The following EIPR1 variants were observed in gnomAD, a reference collection of about 807,000 sequenced individuals.
EIPR1 encodes the protein EARP and GARP complex-interacting protein 1.
Under a neutral mutation model 48.1 loss-of-function variants are expected in EIPR1, and 25 were observed. That is an observed-to-expected ratio of 0.52 (90% CI 0.38 to 0.73). EIPR1 has a LOEUF of 0.73. Among genes scored for constraint, EIPR1 ranks in the 30% least tolerant of loss-of-function variants. The pLI, the probability that EIPR1 is intolerant of heterozygous loss-of-function variation, is 0.00. For missense variants in EIPR1, 415 were observed against 506.2 expected (o/e 0.82, Z 1.73); for synonymous variants, 204 against 201.9 (o/e 1.01, Z -0.09).
chr2:3,240,095 A>G (rs1373297690), intron 4 of EIPR1, among the ~76,000 whole-genome samples: 1 of 151,786 alleles, frequency 6.6e-6, no homozygotes, highest in Non-Finnish European at 1.5e-5. Flanking sequence ...CTCCTAAAGC[A>G]AAGCCAGCAG....
chr2:3,242,599 C>CA, intron 4 of EIPR1, among the ~76,000 whole-genome samples: 1 of 152,192 alleles, frequency 6.6e-6, no homozygotes, highest in Non-Finnish European at 1.5e-5. Flanking sequence ...GGCTGGAAGA[C>CA]AGAGATTTCA....
intron 2 of EIPR1, chr2:3,353,134 A>AACTT (rs1670628780): frequency 4.8e-6 from 2 of 419,778 alleles, no homozygotes; most frequent in Non-Finnish European, 9.8e-6. Flanking sequence ...TGTTGTGCCT[A>AACTT]ACTTATACCT....
At chr2:3,300,225 T>A (rs1263825948) in intron 3 of EIPR1, among the ~76,000 whole-genome samples, 1 of 152,214 alleles carries the variant, frequency 6.6e-6, no homozygotes, top group African/African-American at 2.4e-5. Flanking sequence ...GGAAAACTAG[T>A]TTTAAGATGT....
At chr2:3,224,960 G>A (rs974081006) in intron 4 of EIPR1, among the ~76,000 whole-genome samples, 4 of 152,220 alleles carry the variant, frequency 2.6e-5, no homozygotes, top group Admixed American at 6.5e-5. Flanking sequence ...TCAGGGTGCC[G>A]GGGCCAGCAC....
chr2:3,287,129 T>C (rs553971213), intron 3 of EIPR1, among the ~76,000 whole-genome samples: 1 of 152,262 alleles, frequency 6.6e-6, no homozygotes, highest in Non-Finnish European at 1.5e-5. Context: ...AGCACCAAGC[T>C]CGTTCACCAC....
At chr2:3,309,149 C>G (rs763603926) in intron 3 of EIPR1, among the ~76,000 whole-genome samples, 5 of 152,154 alleles carry the variant, frequency 3.3e-5, no homozygotes, top group Admixed American at 2.6e-4. Flanking sequence ...ATTACACCAC[C>G]ACATCTGATG....
At chr2:3,201,352 G>A (rs1310901242) in intron 5 of EIPR1, among the ~76,000 whole-genome samples, 1 of 152,222 alleles carries the variant, frequency 6.6e-6, no homozygotes, top group African/African-American at 2.4e-5. Flanking sequence ...GAGGGGGGAT[G>A]TTAACAAAAG....
intron 4 of EIPR1, among the ~76,000 whole-genome samples, chr2:3,223,497 G>A (rs1665963499): frequency 1.3e-5 from 2 of 152,194 alleles, no homozygotes; most frequent in Non-Finnish European, 2.9e-5. Context: ...CCCCCTCTGA[G>A]TATGTGAGGA....
At chr2:3,229,403 C>T (rs888909297) in intron 4 of EIPR1, among the ~76,000 whole-genome samples, 3 of 152,214 alleles carry the variant, frequency 2.0e-5, no homozygotes, top group Admixed American at 1.3e-4. Context: ...GGCAATAACA[C>T]CAAAACAGTG....
intron 4 of EIPR1, among the ~76,000 whole-genome samples, chr2:3,235,221 T>C (rs549043335): frequency 9.2e-5 from 14 of 152,334 alleles, no homozygotes; most frequent in African/African-American, 3.1e-4. Context: ...ATGAGCCAGA[T>C]GAGTGCTACA....
At chr2:3,226,352 T>G (rs1454365604) in intron 4 of EIPR1, among the ~76,000 whole-genome samples, 1 of 152,238 alleles carries the variant, frequency 6.6e-6, no homozygotes, top group East Asian at 1.9e-4. Context: ...GGTTTTGATT[T>G]CCATTTTTCT....
At position 3,233,449 on chromosome 2, in the gene EIPR1, G is replaced by A. The variant is rs193214089; in HGVS notation, c.417-19201C>T. On this transcript the variant is annotated intron_variant, in intron 4 of 8. Transcript: ENST00000382125. ...AGGGTAAGTGCTTAGAGCTATAATT[G>A]CTGGGCCAAAACACAGACATGTTTC... Among the ~76,000 whole-genome samples, 463 of 152,218 alleles carry A rather than the reference G, an allele frequency of 3.0e-3. 1 individual carries two copies. Among genetic ancestry groups the A allele is most frequent in the Non-Finnish European group, 5.4e-3 (365 of 68,016 alleles).
chr2:3,250,224 G>C (rs1175619668), intron 4 of EIPR1, among the ~76,000 whole-genome samples: 3 of 152,188 alleles, frequency 2.0e-5, no homozygotes, highest in Non-Finnish European at 4.4e-5. Flanking sequence ...GCAGCCATGG[G>C]GACAGCTGGC....
intron 5 of EIPR1, among the ~76,000 whole-genome samples, chr2:3,204,300 C>G (rs1055760120): frequency 1.3e-5 from 2 of 152,244 alleles, no homozygotes; most frequent in Admixed American, 1.3e-4. Flanking sequence ...AACGCCTGTA[C>G]TCCCAGGCCC....
At chr2:3,349,204 G>C (rs1026481829) in intron 2 of EIPR1, among the ~76,000 whole-genome samples, 3 of 152,224 alleles carry the variant, frequency 2.0e-5, no homozygotes, top group Non-Finnish European at 4.4e-5. Flanking sequence ...TTTCAGTCCC[G>C]ATTCTGCCAC....
At chr2:3,227,982 G>T (rs1666118985) in intron 4 of EIPR1, among the ~76,000 whole-genome samples, 1 of 152,250 alleles carries the variant, frequency 6.6e-6, no homozygotes, top group African/African-American at 2.4e-5. Context: ...CTGCTGAAGG[G>T]GCAGAGCCCT....
intron 1 of EIPR1, among the ~76,000 whole-genome samples, chr2:3,361,892 T>C (rs1307509362): frequency 6.6e-6 from 1 of 152,184 alleles, no homozygotes. Flanking sequence ...CTGCACACCC[T>C]GCAAGGCCTT....
intron 3 of EIPR1, among the ~76,000 whole-genome samples, chr2:3,265,604 G>C (rs1483425721): frequency 6.6e-6 from 1 of 152,212 alleles, no homozygotes; most frequent in Non-Finnish European, 1.5e-5. Context: ...AACTTCCTGT[G>C]CCGAATTAAT....
At position 3,253,089 on chromosome 2, in the gene EIPR1, G is replaced by A. The variant is rs1002785013; in HGVS notation, c.416+4210C>T. ...GAAACATTTTATAGCCTGTTCTCTC[G>A]GAAGCTGCCACCTGAAGTTTCCTCT... On this transcript the variant is annotated intron_variant, in intron 4 of 8. Transcript: ENST00000382125. Among the ~76,000 whole-genome samples the A allele has an allele frequency of 4.6e-5, 7 of 152,072 alleles. No homozygotes were observed. In the East Asian group the frequency reaches 5.8e-4, roughly 13 times the overall value.
Sources: allele counts gnomAD v4.1 joint callset (sites outside exome capture counted in the v4.1 genomes callset), GRCh38; gene constraint gnomAD v4.1.1; transcripts MANE v1.5; gene names NCBI Gene and HGNC (gene_info 2026-07-23, HGNC 2026-07-21).